The following VOPP1 variants were observed in gnomAD, a reference collection of about 807,000 sequenced individuals.
VOPP1 encodes the protein WW domain binding protein VOPP1.
A neutral mutation model predicts 23.5 loss-of-function variants in VOPP1; 8 were observed. That is an observed-to-expected ratio of 0.34 (90% CI 0.20 to 0.61). The LOEUF is 0.61. Ranked by LOEUF, VOPP1 falls within the 20% of genes least tolerant of loss-of-function variation. The probability of loss-of-function intolerance (pLI) is 0.78; values close to 1 mark genes in which losing one functional copy is unlikely to be tolerated. For synonymous variants in VOPP1, 83 were observed against 97.3 expected, an observed-to-expected ratio of 0.85 and a Z score of 0.86; for missense variants, 174 against 238.1, an observed-to-expected ratio of 0.73 and a Z score of 1.77.
At chr7:55,523,329 C>G (rs1317872398) in intron 1 of VOPP1, among the ~76,000 whole-genome samples, 1 of 151,986 alleles carries the variant, frequency 6.6e-6, no homozygotes, top group Non-Finnish European at 1.5e-5. Context: ...TTGCACACAT[C>G]AAAACATCAC....
chr7:55,544,783 G>A (rs557145436), intron 1 of VOPP1, among the ~76,000 whole-genome samples: 2 of 152,298 alleles, frequency 1.3e-5, no homozygotes, highest in Admixed American at 6.5e-5. Flanking sequence ...ATGAAACCAC[G>A]AGGCCATTTT....
intron 1 of VOPP1, among the ~76,000 whole-genome samples, chr7:55,558,655 G>A (rs1350260546): frequency 6.6e-6 from 1 of 152,122 alleles, no homozygotes; most frequent in Non-Finnish European, 1.5e-5. Flanking sequence ...GTCAGGTGCT[G>A]TAAAGTCTCT....
chr7:55,514,796 T>C (rs1795298224), intron 2 of VOPP1, among the ~76,000 whole-genome samples: 1 of 152,170 alleles, frequency 6.6e-6, no homozygotes, highest in African/African-American at 2.4e-5. Context: ...ATTCCCAGGC[T>C]GTGTATCTGG....
chr7:55,436,223 G>A (rs894264034), intron 4 of VOPP1: 21 of 152,202 alleles, frequency 1.4e-4, no homozygotes, highest in African/African-American at 4.6e-4. Flanking sequence ...GCCAACCCAG[G>A]GTGGTGTGTG....
Position 55,492,023 on chromosome 7 carries a change from C to T in VOPP1, c.328+259G>A, listed in dbSNP as rs148060369. On this transcript the variant is annotated intron_variant, in intron 4 of 4. Coordinates refer to ENST00000285279, the MANE Select transcript of VOPP1 (RefSeq NM_030796.5). ...GGAAAAGGGCAGAGAGCAAATAATA[C>T]GCTTATACAAACTGCATCATATCAC... 4.4e-3 allele frequency among the ~76,000 whole-genome samples: 675 copies of T among 152,222 alleles called. 5 individuals carry two copies. Among genetic ancestry groups the T allele is most frequent in the African/African-American group, 0.015 (632 of 41,518 alleles).
intron 1 of VOPP1, among the ~76,000 whole-genome samples, chr7:55,540,306 G>A (rs1158975676): frequency 6.6e-6 from 1 of 151,906 alleles, no homozygotes; most frequent in Non-Finnish European, 1.5e-5. Flanking sequence ...ACTGAGGCAG[G>A]AGAATCACTT....
chr7:55,467,160 C>T (rs1791653532), downstream of VOPP1, among the ~76,000 whole-genome samples: 1 of 152,212 alleles, frequency 6.6e-6, no homozygotes, highest in Non-Finnish European at 1.5e-5. Flanking sequence ...TGCCACTCAC[C>T]ACCTGCTGTA....
At chr7:55,548,657 C>G (rs1267085235) in intron 1 of VOPP1, among the ~76,000 whole-genome samples, 1 of 152,236 alleles carries the variant, frequency 6.6e-6, no homozygotes, top group Non-Finnish European at 1.5e-5. Flanking sequence ...GTACAAAGCT[C>G]TCTTTCATGC....
At chr7:55,478,241 C>A (rs1792423082) in intron 4 of VOPP1, among the ~76,000 whole-genome samples, 1 of 152,188 alleles carries the variant, frequency 6.6e-6, no homozygotes, top group South Asian at 2.1e-4. Context: ...TGGCACATGG[C>A]TCTGGAATCA....
intron 1 of VOPP1, among the ~76,000 whole-genome samples, chr7:55,544,655 G>A (rs549269395): frequency 3.9e-5 from 6 of 152,334 alleles, no homozygotes; most frequent in South Asian, 4.1e-4. Context: ...TGAAACTGAC[G>A]AATGTAATCT....
intron 1 of VOPP1, among the ~76,000 whole-genome samples, chr7:55,535,209 A>G (rs766262248): frequency 6.6e-6 from 1 of 151,994 alleles, no homozygotes; most frequent in Non-Finnish European, 1.5e-5. Flanking sequence ...CAGCACACCA[A>G]CTCCTGCTAG....
chr7:55,508,306 C>T (rs1323775714), intron 2 of VOPP1, among the ~76,000 whole-genome samples: 1 of 152,148 alleles, frequency 6.6e-6, no homozygotes, highest in Non-Finnish European at 1.5e-5. Context: ...CTCACTGTGT[C>T]ACCCAGGCTG....
chr7:55,519,012 G>C (rs1160669626), intron 2 of VOPP1, among the ~76,000 whole-genome samples: 1 of 152,208 alleles, frequency 6.6e-6, no homozygotes, highest in African/African-American at 2.4e-5. Context: ...GAGAAGACTA[G>C]TGGGTGGGGC....
At chr7:55,462,446 C>T (rs987062037) in intron 4 of VOPP1, among the ~76,000 whole-genome samples, 2 of 152,134 alleles carry the variant, frequency 1.3e-5, no homozygotes, top group Non-Finnish European at 2.9e-5. Context: ...AATAGGTTCT[C>T]TATGCCTTTG....
intron 1 of VOPP1, among the ~76,000 whole-genome samples, chr7:55,556,250 G>C (rs544035065): frequency 6.6e-6 from 1 of 152,188 alleles, no homozygotes; most frequent in African/African-American, 2.4e-5. Flanking sequence ...GGGAGAGACA[G>C]GGGTTCAGCC....
intron 2 of VOPP1, among the ~76,000 whole-genome samples, chr7:55,510,110 G>A (rs1384477993): frequency 2.6e-5 from 4 of 152,188 alleles, no homozygotes; most frequent in Non-Finnish European, 5.9e-5. Flanking sequence ...CCAGTTACTG[G>A]TAGAAGGCCT....
chr7:55,513,120 G>T (rs916625886), intron 2 of VOPP1, among the ~76,000 whole-genome samples: 1 of 152,036 alleles, frequency 6.6e-6, no homozygotes, highest in Admixed American at 6.6e-5. Context: ...AATAGGGCCT[G>T]AAAGCAGCCT....
rs1274237121 is a variant in VOPP1 at position 55,436,657 on chromosome 7, T to TGC, written n.418-485_418-484dup. ...GTGTGTGTGCGTGCGTGGGTGTGTG[T>TGC]GCGTGTGTGCGTGCGTGTGCGTGTG... On this transcript the variant is annotated intron_variant and non_coding_transcript_variant, in intron 4 of 4. Coordinates refer to the VOPP1 transcript ENST00000462326. Among the ~76,000 whole-genome samples the TGC allele has an allele frequency of 2.7e-3, 409 of 151,010 alleles. 3 individuals carry two copies. The highest frequency in any genetic ancestry group is 0.01 in the Middle Eastern group (3 of 294).
intron 1 of VOPP1, among the ~76,000 whole-genome samples, chr7:55,528,888 TAA>T (rs1465985475): frequency 6.6e-6 from 1 of 152,184 alleles, no homozygotes; most frequent in Non-Finnish European, 1.5e-5. Flanking sequence ...ATGTCATAGT[TAA>T]TTTAAGACAC....
Sources: gnomAD v4.1 joint callset for allele counts (sites outside exome capture counted in the v4.1 genomes callset) on GRCh38, gnomAD v4.1.1 for gene constraint, MANE v1.5 for transcripts, NCBI Gene and HGNC (gene_info 2026-07-23, HGNC 2026-07-21) for gene names.